C5orf24: variants seen among roughly 807,000 people sequenced by gnomAD.
The protein encoded by C5orf24 is chromosome 5 open reading frame 24, also known as UPF0461 protein C5orf24.
Under a neutral mutation model 9.8 loss-of-function variants are expected in C5orf24, and 4 were observed. That is an observed-to-expected ratio of 0.41 (90% CI 0.20 to 0.93). The LOEUF (loss-of-function observed/expected upper bound fraction) is 0.93, where lower values mean the gene tolerates loss of function less well. Ranked by LOEUF, C5orf24 falls within the 40% of genes least tolerant of loss-of-function variation. C5orf24 has a pLI of 0.33. For synonymous variants in C5orf24, 73 were observed against 81.3 expected (o/e 0.90, Z 0.55); for missense variants, 170 against 236.9 (o/e 0.72, Z 1.85).
At chr5:134,838,801 T>C in the C5orf24 span, among the ~76,000 whole-genome samples, 2 of 151,628 alleles carry the variant, frequency 1.3e-5, no homozygotes, top group African/African-American at 4.8e-5. Flanking sequence ...AAAAATTGTC[T>C]AAGTATGGTC....
At chr5:134,850,251 C>T (rs553352578) in intron 1 of C5orf24, among the ~76,000 whole-genome samples, 3 of 152,068 alleles carry the variant, frequency 2.0e-5, no homozygotes, top group South Asian at 2.1e-4. Flanking sequence ...CAGGTTCAAG[C>T]GATTCTCCTG....
chr5:134,844,878 C>T (rs1755951007), upstream of C5orf24, among the ~76,000 whole-genome samples: 1 of 152,192 alleles, frequency 6.6e-6, no homozygotes, highest in Admixed American at 6.6e-5. Context: ...GCTGGGATTA[C>T]AGGTGCGCAC....
At chr5:134,839,770 A>G in the C5orf24 span, among the ~76,000 whole-genome samples, 6 of 150,028 alleles carry the variant, frequency 4.0e-5, no homozygotes, top group African/African-American at 1.5e-4. Flanking sequence ...GCTCACTTCA[A>G]CCTCCACCTC....
chr5:134,847,718 T>C (rs1756034593), intron 1 of C5orf24, among the ~76,000 whole-genome samples: 1 of 151,664 alleles, frequency 6.6e-6, no homozygotes, highest in African/African-American at 2.4e-5. Context: ...TTTTTTTTTT[T>C]TTTCCTGAGA....
intron 1 of C5orf24, among the ~76,000 whole-genome samples, chr5:134,847,061 C>T (rs1387630200): frequency 6.6e-6 from 1 of 152,138 alleles, no homozygotes; most frequent in African/African-American, 2.4e-5. Flanking sequence ...AAAATAGTTA[C>T]ATTTCTTTAT....
intron 1 of C5orf24, among the ~76,000 whole-genome samples, chr5:134,853,355 C>G (rs1580843689): frequency 1.4e-5 from 2 of 140,460 alleles, no homozygotes; most frequent in African/African-American, 5.2e-5. Flanking sequence ...GTGCGAAACT[C>G]CACCTAAAAA....
intron 1 of C5orf24, among the ~76,000 whole-genome samples, chr5:134,847,357 G>A (rs1756024057): frequency 6.6e-6 from 1 of 151,722 alleles, no homozygotes; most frequent in East Asian, 1.9e-4. Flanking sequence ...GTACAGTGGC[G>A]CGATCGCGGC....
At chr5:134,845,026 G>T (rs1755955202), upstream of C5orf24, among the ~76,000 whole-genome samples, 2 of 152,238 alleles carry the variant, frequency 1.3e-5, no homozygotes, top group South Asian at 2.1e-4. Context: ...GTGAGCCACC[G>T]CACCCAGGCT....
At chr5:134,835,608 G>T in the C5orf24 span, among the ~76,000 whole-genome samples, 1 of 152,312 alleles carries the variant, frequency 6.6e-6, no homozygotes, top group African/African-American at 2.4e-5. Flanking sequence ...GATCGTGCCA[G>T]TGCACTCCAG....
chr5:134,842,519 A>ACT (rs1304041584), upstream of C5orf24, among the ~76,000 whole-genome samples: 1 of 152,062 alleles, frequency 6.6e-6, no homozygotes, highest in Non-Finnish European at 1.5e-5. Flanking sequence ...GCTAAAGTCA[A>ACT]CATATAGCAT....
chr5:134,850,536 G>A (rs1323147036), intron 1 of C5orf24, among the ~76,000 whole-genome samples: 3 of 150,066 alleles, frequency 2.0e-5, no homozygotes, highest in African/African-American at 7.4e-5. Context: ...GCAATGTTGC[G>A]ATCTTGGCTC....
the C5orf24 span, among the ~76,000 whole-genome samples, chr5:134,840,305 C>CAAAAAAAAAAAAAAAAAAAAAAAAAAAA: frequency 1.9e-5 from 1 of 53,418 alleles, no homozygotes. Context: ...GACTGCATCT[C>CAAAAAAAAAAAAAAAAAAAAAAAAAAAA]AAAAAAAAAA....
the C5orf24 span, among the ~76,000 whole-genome samples, chr5:134,834,424 C>T: frequency 1.3e-5 from 2 of 152,098 alleles, no homozygotes; most frequent in African/African-American, 2.4e-5. Flanking sequence ...GTGCCTTTGC[C>T]TAAGGGAGTC....
At position 134,857,345 on chromosome 5, in the gene C5orf24, C is replaced by CT; in HGVS notation, c.*1884dup. On this transcript the variant is annotated 3_prime_UTR_variant, in exon 2 of 2. Coordinates refer to ENST00000394976, the MANE Select transcript of C5orf24 (RefSeq NM_001135586.1). ...TGCAAATGGATGTCATGTTTCATAC[C>CT]TTTTTTATCAGGAAAAAAGCAGCAA... The CT allele has an allele frequency of 6.5e-7, 1 of 1,545,564 alleles. No homozygotes were observed. Among genetic ancestry groups the CT allele is most frequent in the Non-Finnish European group, 8.7e-7 (1 of 1,143,800 alleles).
At chr5:134,836,901 T>A in the C5orf24 span, among the ~76,000 whole-genome samples, 1 of 152,224 alleles carries the variant, frequency 6.6e-6, no homozygotes, top group Non-Finnish European at 1.5e-5. Flanking sequence ...GGTATAACAG[T>A]TCATATACAT....
the C5orf24 span, among the ~76,000 whole-genome samples, chr5:134,838,496 C>T: frequency 2.0e-5 from 3 of 152,148 alleles, no homozygotes; most frequent in South Asian, 2.1e-4. Flanking sequence ...GATGAAACGC[C>T]GTCTCTACTA....
At chr5:134,840,426 G>T in the C5orf24 span, among the ~76,000 whole-genome samples, 274 of 151,924 alleles carry the variant, frequency 1.8e-3, 1 homozygote, top group South Asian at 5.4e-3. Context: ...TCAGGCTGGA[G>T]TACAGTGTCA....
At chr5:134,852,994 T>C (rs1756199696) in intron 1 of C5orf24, among the ~76,000 whole-genome samples, 2 of 152,042 alleles carry the variant, frequency 1.3e-5, no homozygotes, top group Non-Finnish European at 2.9e-5. Flanking sequence ...TGAAACCCCA[T>C]CTCTACTAAA....
intron 1 of C5orf24, among the ~76,000 whole-genome samples, chr5:134,852,750 T>C (rs926263141): frequency 6.6e-6 from 1 of 152,220 alleles, no homozygotes; most frequent in Non-Finnish European, 1.5e-5. Flanking sequence ...AAAACTGTCA[T>C]TTCCAGCCAG....
Sources: gnomAD v4.1 joint callset for allele counts (sites outside exome capture counted in the v4.1 genomes callset) on GRCh38, gnomAD v4.1.1 for gene constraint, MANE v1.5 for transcripts, NCBI Gene and HGNC (gene_info 2026-07-23, HGNC 2026-07-21) for gene names.